The following SLC20A2 variants were observed in gnomAD, a reference collection of about 807,000 sequenced individuals.
The protein encoded by SLC20A2 is solute carrier family 20 member 2, also known as sodium-dependent phosphate transporter 2.
SLC20A2 carries 30 observed loss-of-function variants against 61.0 expected under a neutral mutation model. The ratio of observed to expected loss-of-function variants is 0.49; its 90% CI spans 0.37 to 0.67. The LOEUF is 0.67. Among genes scored for constraint, SLC20A2 ranks in the 30% least tolerant of loss-of-function variants. The pLI is 0.00. For missense variants in SLC20A2, 626 were observed against 866.4 expected, an observed-to-expected ratio of 0.72 and a Z score of 3.48; for synonymous variants, 351 against 353.3, an observed-to-expected ratio of 0.99 and a Z score of 0.07.
chr8:42,421,898 T>C (rs1344156107), intron 10 of SLC20A2, among the ~76,000 whole-genome samples: 2 of 152,038 alleles, frequency 1.3e-5, no homozygotes, highest in East Asian at 3.9e-4. Flanking sequence ...CTAAGGCATA[T>C]TATACTGAAG....
chr8:42,430,388 A>C (rs1586003307), intron 8 of SLC20A2, 139 bp from the exon 9 acceptor site: 1 of 776,662 alleles, frequency 1.3e-6, no homozygotes, highest in Non-Finnish European at 2.0e-6. Flanking sequence ...TTTGAGACAG[A>C]GTCTTGCTCT....
In SLC20A2 at chr8:42,430,087, G is replaced by A. The variant is rs1475349657; in HGVS notation, c.1686C>T (p.Asp562=). The change falls in exon 9 of 11, where the codon GAC becomes GAT. Residue 562 remains aspartate, a synonymous_variant. Coordinates refer to ENST00000520262, the MANE Select transcript of SLC20A2 (RefSeq NM_001257180.2). ...ACCTGGACGGCGTGATGGGAGTGAG[G>A]TCCTTCCCCATGGTCTGGATCACTC... ...GRRVIQTMGK[D]LTPITPSSGF... 2 of 1,612,344 alleles carry A rather than the reference G, an allele frequency of 1.2e-6. No homozygotes were observed. Among genetic ancestry groups the A allele is most frequent in the South Asian group, 2.2e-5 (2 of 90,768 alleles).
chr8:42,475,520 C>T (rs1808010648), intron 1 of SLC20A2, among the ~76,000 whole-genome samples: 1 of 152,114 alleles, frequency 6.6e-6, no homozygotes, highest in African/African-American at 2.4e-5. Flanking sequence ...AGAGATTCTC[C>T]TGCCTCGGCC....
rs2130973022 is a variant in SLC20A2, at chr8:42,431,490, G to A, written c.1524-1241C>T. Among the ~76,000 whole-genome samples the A allele has an allele frequency of 1.3e-5, 2 of 152,360 alleles. 1 individual carries two copies. The highest frequency in any genetic ancestry group is 4.1e-4 in the South Asian group (2 of 4,834). ...CCATCCTCATAGCATAAAAGTGCAA[G>A]GTGAAGTAGCAAGTGCTGATGGAGA... On this transcript the variant is annotated intron_variant, in intron 8 of 10. Coordinates refer to ENST00000520262, the MANE Select transcript of SLC20A2 (RefSeq NM_001257180.2).
chr8:42,539,856 T>G lies in SLC20A2; in HGVS notation c.-265+1965A>C, dbSNP rs569130721. ...AGAGACACGGGGCTTTGGAAACTAT[T>G]CAGCACCTAAATAAAGGGACTAATT... On this transcript the variant is annotated intron_variant, in intron 1 of 10. Coordinates refer to the SLC20A2 transcript ENST00000342228. 3.7e-4 allele frequency among the ~76,000 whole-genome samples: 57 copies of G among 152,362 alleles called. No individual in the cohort carries two copies. In the South Asian group the frequency reaches 0.011, roughly 30 times the overall value.
At chr8:42,426,771 CT>C (rs1803445955) in intron 10 of SLC20A2, among the ~76,000 whole-genome samples, 1 of 152,268 alleles carries the variant, frequency 6.6e-6, no homozygotes, top group African/African-American at 2.4e-5. Flanking sequence ...CTTCAGCAGT[CT>C]TGCTTTAGTG....
At chr8:42,522,960 A>C (rs1586263277) in intron 1 of SLC20A2, among the ~76,000 whole-genome samples, 1 of 150,912 alleles carries the variant, frequency 6.6e-6, no homozygotes, top group Admixed American at 6.6e-5. Context: ...CCTGGCCTCA[A>C]GCAATTCTCC....
intron 1 of SLC20A2, among the ~76,000 whole-genome samples, chr8:42,511,354 C>T (rs903229050): frequency 9.2e-5 from 14 of 152,054 alleles, no homozygotes; most frequent in African/African-American, 2.7e-4. Flanking sequence ...TTTGGCCAGG[C>T]GCAGTGGCTC....
rs57604068 is a variant in SLC20A2 at position 42,446,348 on chromosome 8, G to T, written c.614-1586C>A. ...TCATCACCCTGAATTTTGTCCATCT[G>T]CTGTCAATGGTGACAACAGGCACAT... On this transcript the variant is annotated intron_variant, in intron 5 of 10. Coordinates refer to ENST00000520262, the MANE Select transcript of SLC20A2 (RefSeq NM_001257180.2). Among the ~76,000 whole-genome samples the T allele has an allele frequency of 6.8e-3, 1,029 of 152,302 alleles. 20 individuals are homozygous for T. The highest frequency in any genetic ancestry group is 0.024 in the African/African-American group (995 of 41,564).
At chr8:42,454,030 G>T (rs1197680764) in intron 5 of SLC20A2, among the ~76,000 whole-genome samples, 1 of 152,046 alleles carries the variant, frequency 6.6e-6, no homozygotes, top group Non-Finnish European at 1.5e-5. Flanking sequence ...TTGAGACAGA[G>T]TCTCGCTCTG....
At chr8:42,420,856 C>T (rs965972335) in intron 10 of SLC20A2, among the ~76,000 whole-genome samples, 22 of 152,238 alleles carry the variant, frequency 1.4e-4, no homozygotes, top group Admixed American at 1.3e-4. Context: ...AAAACACTAA[C>T]ACCCAGTTCT....
chr8:42,431,139 C>T (rs896722568), intron 8 of SLC20A2, among the ~76,000 whole-genome samples: 1 of 152,344 alleles, frequency 6.6e-6, no homozygotes, highest in Non-Finnish European at 1.5e-5. Context: ...ATGTCAAAAT[C>T]GGAGACAGGC....
chr8:42,534,985 T>C (rs915234915), intron 1 of SLC20A2: 1 of 152,188 alleles, frequency 6.6e-6, no homozygotes, highest in Non-Finnish European at 1.5e-5. Context: ...TTAACAAAGA[T>C]AATGTAAGAA....
chr8:42,498,214 TCTC>T (rs577641562), intron 1 of SLC20A2, among the ~76,000 whole-genome samples: 29 of 152,180 alleles, frequency 1.9e-4, no homozygotes, highest in Admixed American at 3.3e-4. Context: ...CTGTGAAGCT[TCTC>T]CTCTTTGTAG....
At chr8:42,420,637 G>C (rs2130918128) in intron 10 of SLC20A2, among the ~76,000 whole-genome samples, 1 of 152,244 alleles carries the variant, frequency 6.6e-6, no homozygotes, top group Admixed American at 6.5e-5. Context: ...TATAGAACAG[G>C]TTCCATCCAT....
chr8:42,497,545 T>C (rs1810016564), intron 1 of SLC20A2, among the ~76,000 whole-genome samples: 1 of 152,122 alleles, frequency 6.6e-6, no homozygotes, highest in Non-Finnish European at 1.5e-5. Context: ...CTGACCCTTT[T>C]ATTCTAGATG....
intron 1 of SLC20A2, among the ~76,000 whole-genome samples, chr8:42,517,297 A>C (rs941468725): frequency 6.6e-6 from 1 of 150,758 alleles, no homozygotes; most frequent in Admixed American, 6.6e-5. Context: ...GAACCTGGGA[A>C]GTTGAGGCCG....
At position 42,481,389 on chromosome 8, in the gene SLC20A2, G is replaced by A. The variant is rs185698239; in HGVS notation, c.-264-8735C>T. Among the ~76,000 whole-genome samples, 235 of 152,254 alleles carry A rather than the reference G, an allele frequency of 1.5e-3. 1 individual carries two copies. The highest frequency in any genetic ancestry group is 4.9e-3 in the African/African-American group (203 of 41,560). On this transcript the variant is annotated intron_variant, in intron 1 of 10. Coordinates refer to ENST00000520262, the MANE Select transcript of SLC20A2 (RefSeq NM_001257180.2). ...GAGGCACTGAAATGAAAGCAATGCC[G>A]AGAAACTAGGAAGTGATGCTCCTGG... is the stretch of plus-strand genomic sequence containing the variant.
intron 8 of SLC20A2, among the ~76,000 whole-genome samples, chr8:42,434,204 A>G (rs1804068253): frequency 6.6e-6 from 1 of 151,580 alleles, no homozygotes; most frequent in Admixed American, 6.6e-5. Context: ...CTTGTGCCTC[A>G]GCTTCCTGAG....
Sources: allele counts gnomAD v4.1 joint callset (sites outside exome capture counted in the v4.1 genomes callset), GRCh38; gene constraint gnomAD v4.1.1; transcripts MANE v1.5; gene names NCBI Gene and HGNC (gene_info 2026-07-23, HGNC 2026-07-21).